Variants in CLTCL1 observed in about 807,000 individuals in gnomAD.
CLTCL1 encodes the protein clathrin heavy chain like 1.
CLTCL1 carries 159 observed loss-of-function variants against 190.0 expected under a neutral mutation model. The observed-to-expected ratio is 0.84, with a 90% CI of 0.74 to 0.95. The LOEUF is 0.95. CLTCL1 is among the 40% of genes least tolerant of loss of function. The pLI, the probability that CLTCL1 is intolerant of heterozygous loss-of-function variation, is 0.00. For missense variants in CLTCL1, 1,878 were observed against 2,033.4 expected (o/e 0.92, Z 1.47); for synonymous variants, 752 against 769.6 (o/e 0.98, Z 0.38).
At chr22:19,239,848 CG>C (rs1480143760) in intron 4 of CLTCL1, among the ~76,000 whole-genome samples, 3 of 151,906 alleles carry the variant, frequency 2.0e-5, no homozygotes, top group Admixed American at 6.6e-5. Flanking sequence ...TTGTGCTGGG[CG>C]GGGGTAAGAA....
rs1331722005 is a variant in CLTCL1, at chr22:19,187,568, T to G, written c.4595A>C (p.His1532Pro). 1 of 1,611,352 alleles carries G rather than the reference T, an allele frequency of 6.2e-7. No individual in the cohort carries two copies. Among genetic ancestry groups the G allele is most frequent in the Non-Finnish European group, 8.5e-7 (1 of 1,179,136 alleles). ...GCCCAGGCCACCAACCTTGTAGAGA[T>G]GATCCTTCTTGCAGAGCTCCACGCT... Reference protein sequence around the residue: ...AQSVELCKKDHLYKDAMQHAA... With the variant: ...AQSVELCKKDPLYKDAMQHAA... The change falls in exon 29 of 33, where the codon CAT becomes CCT. Residue 1532 changes from histidine to proline, a missense_variant. Physicochemically the swap from His to Pro is moderately conservative, Grantham distance 77 (BLOSUM62 -2). Transcript: ENST00000427926.
At chr22:19,186,820 T>G (rs782317246) in intron 29 of CLTCL1, among the ~76,000 whole-genome samples, 25 of 152,258 alleles carry the variant, frequency 1.6e-4, no homozygotes, top group Admixed American at 4.6e-4. Context: ...AGGCTGGTCT[T>G]GAACTCCTGA....
chr22:19,202,790 T>C (rs1555940668), intron 22 of CLTCL1, among the ~76,000 whole-genome samples: 2 of 152,186 alleles, frequency 1.3e-5, no homozygotes, highest in East Asian at 3.8e-4. Context: ...AGCTGAGTAT[T>C]TGGCTTCCCT....
chr22:19,276,731 G>A (rs1461989024), intron 1 of CLTCL1, among the ~76,000 whole-genome samples: 1 of 152,126 alleles, frequency 6.6e-6, no homozygotes, highest in Non-Finnish European at 1.5e-5. Flanking sequence ...GTGCAGTGGT[G>A]CGATCTCGGC....
intron 2 of CLTCL1, among the ~76,000 whole-genome samples, chr22:19,262,508 T>C (rs529155905): frequency 6.6e-6 from 1 of 151,196 alleles, no homozygotes; most frequent in East Asian, 2.0e-4. Flanking sequence ...GGCAGGTGCC[T>C]GTGGTCCCAC....
intron 1 of CLTCL1, among the ~76,000 whole-genome samples, chr22:19,282,352 AT>A (rs1257415208): frequency 4.6e-5 from 7 of 150,660 alleles, no homozygotes; most frequent in African/African-American, 1.7e-4. Context: ...GAAATAGGCA[AT>A]GGGTTCGGGC....
intron 29 of CLTCL1, among the ~76,000 whole-genome samples, chr22:19,185,580 C>T (rs572819911): frequency 1.3e-5 from 2 of 152,318 alleles, no homozygotes; most frequent in African/African-American, 4.8e-5. Context: ...CCCGCCTCGG[C>T]CTCCCAAAGT....
Position 19,234,709 on chromosome 22 carries a change from G to C in CLTCL1, c.970-3C>G. 6.2e-7 allele frequency: 1 copy of C among 1,613,240 alleles called. No homozygotes were observed. Among genetic ancestry groups the C allele is most frequent in the Non-Finnish European group, 8.5e-7 (1 of 1,179,288 alleles). On this transcript the variant is annotated splice_polypyrimidine_tract_variant and splice_region_variant and intron_variant, in intron 6 of 32. Coordinates refer to ENST00000427926, the MANE Select transcript of CLTCL1 (RefSeq NM_007098.4). ...TCCTCAACACAAACTGACAGTACCTGTAAGGACACAACAAGTGAGAGCAGC... is the reference window on the plus strand; with the variant it reads ...TCCTCAACACAAACTGACAGTACCTCTAAGGACACAACAAGTGAGAGCAGC...
intron 26 of CLTCL1, among the ~76,000 whole-genome samples, chr22:19,192,345 G>A (rs193229130): frequency 5.9e-5 from 9 of 152,264 alleles, no homozygotes; most frequent in East Asian, 3.9e-4. Context: ...GATTACAGGC[G>A]TGAGCCACCG....
At chr22:19,217,945 CTGTT>C (rs1471669219) in intron 18 of CLTCL1, among the ~76,000 whole-genome samples, 2 of 152,084 alleles carry the variant, frequency 1.3e-5, no homozygotes, top group African/African-American at 4.8e-5. Flanking sequence ...TTTCTACCAT[CTGTT>C]TGAGTCAATA....
At chr22:19,235,914 A>C in intron 5 of CLTCL1, 45 bp from the exon 6 acceptor site, 1 of 1,525,658 alleles carries the variant, frequency 6.6e-7, no homozygotes, top group Non-Finnish European at 8.9e-7. Context: ...AAGGAGGAGA[A>C]GCCATGCGGG....
rs807549 is a variant in CLTCL1, at chr22:19,198,095, T to C, written c.3874-1439A>G. On this transcript the variant is annotated intron_variant, in intron 24 of 32. Coordinates refer to ENST00000427926, the MANE Select transcript of CLTCL1 (RefSeq NM_007098.4). This position sits in a 1 kb window ranked among gnomAD's most constrained non-coding sequence, Gnocchi z 4.1. ...TAATTCTTGTCCTTCCCTCCCGTGC[T>C]GCACCTTCAGTCTTCCCCTCATCCA... is the stretch of plus-strand genomic sequence containing the variant. Among the ~76,000 whole-genome samples, 8,969 of 152,284 alleles carry C rather than the reference T, an allele frequency of 0.059. 329 individuals carry two copies. The highest frequency in any genetic ancestry group is 0.16 in the Middle Eastern group (46 of 294).
rs116596191 is a variant in CLTCL1 at position 19,261,831 on chromosome 22, G to T, written c.251-7604C>A. Among the ~76,000 whole-genome samples, 968 of 152,226 alleles carry T rather than the reference G, an allele frequency of 6.4e-3. 7 individuals are homozygous for T. Among genetic ancestry groups the T allele is most frequent in the African/African-American group, 0.022 (929 of 41,534 alleles). On this transcript the variant is annotated intron_variant, in intron 2 of 32. Transcript: ENST00000427926. ...GTGAACACTGTTGAAATTACTACAAGAATTTAGAACAGTACATAAACTTAC... is the reference window on the plus strand; with the variant it reads ...GTGAACACTGTTGAAATTACTACAATAATTTAGAACAGTACATAAACTTAC...
intron 18 of CLTCL1, among the ~76,000 whole-genome samples, chr22:19,217,615 CAAAAA>C (rs71184793): frequency 0.13 from 4,428 of 34,536 alleles, 86 homozygotes; most frequent in Middle Eastern, 0.21. Flanking sequence ...GACTCTGTCT[CAAAAA>C]AAAAAAAAAA....
rs2084615825 is a variant in CLTCL1, at chr22:19,194,130, T to C, written c.4191+2136A>G. ...TGGTACGTTTTTTACAGAGTGCTGA[T>C]TGGTGCATTTACAATCCTTTAGCTA... On this transcript the variant is annotated intron_variant, in intron 26 of 32. Coordinates refer to ENST00000427926, the MANE Select transcript of CLTCL1 (RefSeq NM_007098.4). Among the ~76,000 whole-genome samples, 4 of 152,216 alleles carry C rather than the reference T, an allele frequency of 2.6e-5. No individual in the cohort carries two copies. In the South Asian group the frequency reaches 8.3e-4, roughly 32 times the overall value.
intron 27 of CLTCL1, among the ~76,000 whole-genome samples, chr22:19,188,875 A>C (rs1444310876): frequency 6.6e-6 from 1 of 151,984 alleles, no homozygotes; most frequent in East Asian, 1.9e-4. Context: ...TCTGCCTGCC[A>C]AAGTGCTAGG....
rs2084500807 is a variant in CLTCL1 at position 19,191,421 on chromosome 22, C to T, written c.4206G>A (p.Glu1402=). ...KDIITKVANV[E]LCYRALQFYL... The stretch of plus-strand genomic sequence containing the variant: ...AGAACTGCAGGGCTCTGTAACAGAG[C>T]TCGACGTTGGCAACCTGTGGTGAGC... The change falls in exon 27 of 33, where the codon GAG becomes GAA. Residue 1402 remains glutamate (E), a synonymous_variant. Coordinates refer to ENST00000427926, the MANE Select transcript of CLTCL1 (RefSeq NM_007098.4). 1.2e-6 allele frequency: 2 copies of T among 1,613,710 alleles called. No homozygotes were observed. The highest frequency in any genetic ancestry group is 1.3e-5 in the African/African-American group (1 of 75,030).
At chr22:19,266,052 G>T (rs967796684) in intron 2 of CLTCL1, among the ~76,000 whole-genome samples, 2 of 144,910 alleles carry the variant, frequency 1.4e-5, no homozygotes, top group African/African-American at 5.7e-5. Context: ...TTTTGTTTTT[G>T]TTTTTTAATT....
intron 24 of CLTCL1, among the ~76,000 whole-genome samples, chr22:19,199,294 A>G (rs1436874992): frequency 6.6e-6 from 1 of 152,170 alleles, no homozygotes; most frequent in African/African-American, 2.4e-5. Flanking sequence ...CAAAGGGTCC[A>G]GGTGGGGTTC....
Sources: gnomAD v4.1 joint callset for allele counts (sites outside exome capture counted in the v4.1 genomes callset) on GRCh38, gnomAD v4.1.1 for gene constraint, Gnocchi (gnomAD v3.1) non-coding constraint, MANE v1.5 for transcripts, NCBI Gene and HGNC (gene_info 2026-07-23, HGNC 2026-07-21) for gene names.